MACROD2: variants seen among roughly 807,000 people sequenced by gnomAD.
MACROD2 encodes mono-ADP ribosylhydrolase 2.
A neutral mutation model predicts 70.4 loss-of-function variants in MACROD2; 36 were observed. The ratio of observed to expected loss-of-function variants is 0.51; its 90% CI spans 0.39 to 0.68. The LOEUF is 0.68. Among genes scored for constraint, MACROD2 ranks in the 30% least tolerant of loss-of-function variants. MACROD2 has a pLI of 0.00. For missense variants in MACROD2, 496 were observed against 538.4 expected, an observed-to-expected ratio of 0.92 and a Z score of 0.78; for synonymous variants, 172 against 178.8, an observed-to-expected ratio of 0.96 and a Z score of 0.30.
chr20:14,307,518 A>G (rs2082531054), intron 3 of MACROD2, among the ~76,000 whole-genome samples: 1 of 152,152 alleles, frequency 6.6e-6, no homozygotes, highest in African/African-American at 2.4e-5. Flanking sequence ...AAAGTCTAAA[A>G]TAACAATTGT....
intron 8 of MACROD2, among the ~76,000 whole-genome samples, chr20:15,793,685 T>C (rs1025992107): frequency 2.3e-4 from 35 of 151,324 alleles, no homozygotes; most frequent in Non-Finnish European, 4.4e-4. Context: ...TTTTCTTATA[T>C]GTATTCCTCC....
chr20:14,658,807 T>C (rs1251302212), intron 4 of MACROD2, among the ~76,000 whole-genome samples: 1 of 152,168 alleles, frequency 6.6e-6, no homozygotes, highest in Non-Finnish European at 1.5e-5. Context: ...AGAGATGGTC[T>C]TTCACCGTGT....
At chr20:16,037,018 C>T (rs2067245428) in intron 15 of MACROD2, among the ~76,000 whole-genome samples, 1 of 151,960 alleles carries the variant, frequency 6.6e-6, no homozygotes, top group Admixed American at 6.6e-5. Flanking sequence ...GTATACAGAG[C>T]TACAACTTTG....
intron 5 of MACROD2, among the ~76,000 whole-genome samples, chr20:15,047,177 TC>T (rs1194547422): frequency 1.3e-5 from 2 of 152,214 alleles, no homozygotes; most frequent in African/African-American, 4.8e-5. Context: ...TGAATTGACA[TC>T]TGATTGAGGA....
At chr20:15,880,433 G>C (rs1438214476) in intron 9 of MACROD2, among the ~76,000 whole-genome samples, 1 of 151,808 alleles carries the variant, frequency 6.6e-6, no homozygotes, top group African/African-American at 2.4e-5. Context: ...TGAAGTAGAA[G>C]TATGTTGGGG....
chr20:15,193,125 T>C (rs545751808), intron 5 of MACROD2, among the ~76,000 whole-genome samples: 10 of 152,336 alleles, frequency 6.6e-5, no homozygotes, highest in African/African-American at 2.4e-4. Context: ...TGTAGTTACC[T>C]CCCATCTTCT....
chr20:15,622,450 G>A (rs1357035306), intron 8 of MACROD2, among the ~76,000 whole-genome samples: 4 of 152,044 alleles, frequency 2.6e-5, no homozygotes, highest in Admixed American at 1.3e-4. Context: ...GGTAAAATAC[G>A]GGTGACTTGA....
rs2071323108 is a variant in MACROD2 at position 14,710,331 on chromosome 20, G to A, written c.418+25372G>A. ...CCATTTATTTGCTCAGTCTTGGCCT[G>A]GTGACAGGCAACAAATATTGAATAA... On this transcript the variant is annotated intron_variant, in intron 5 of 17. Transcript: ENST00000684519. 2.6e-5 allele frequency among the ~76,000 whole-genome samples: 4 copies of A among 152,122 alleles called. No homozygotes were observed. The South Asian group carries it at 8.3e-4, about 31-fold the overall frequency.
rs577621839 is a variant in MACROD2, at chr20:14,599,023, G to T, written c.302-85820G>T. 3.3e-5 allele frequency among the ~76,000 whole-genome samples: 5 copies of T among 152,212 alleles called. No individual in the cohort carries two copies. The South Asian group carries it at 6.2e-4, about 19-fold the overall frequency. ...ATTGATTTATACATTTTGGTGAGAAGAATATGTATTTCTGTTAAAGTTACC... is the reference window on the plus strand; with the variant it reads ...ATTGATTTATACATTTTGGTGAGAATAATATGTATTTCTGTTAAAGTTACC... On this transcript the variant is annotated intron_variant, in intron 4 of 17. Transcript: ENST00000684519.
intron 5 of MACROD2, among the ~76,000 whole-genome samples, chr20:14,878,293 G>A (rs1386085831): frequency 6.6e-6 from 1 of 152,112 alleles, no homozygotes; most frequent in Non-Finnish European, 1.5e-5. Flanking sequence ...TATGGCATTT[G>A]TACGCAAAGG....
chr20:15,983,029 T>G (rs2066424473), intron 13 of MACROD2, among the ~76,000 whole-genome samples: 1 of 152,200 alleles, frequency 6.6e-6, no homozygotes, highest in Non-Finnish European at 1.5e-5. Flanking sequence ...TGTAAAGAGT[T>G]TTGTCAGGTC....
At chr20:14,604,877 A>G (rs1464752815) in intron 4 of MACROD2, among the ~76,000 whole-genome samples, 1 of 152,192 alleles carries the variant, frequency 6.6e-6, no homozygotes, top group Non-Finnish European at 1.5e-5. Flanking sequence ...GATACCTTCA[A>G]GGGGCCAGGA....
chr20:15,829,340 A>G (rs1421661801), intron 8 of MACROD2, among the ~76,000 whole-genome samples: 2 of 152,206 alleles, frequency 1.3e-5, no homozygotes, highest in Admixed American at 1.3e-4. Context: ...TCAGTAGAAC[A>G]CATCGTATTC....
intron 5 of MACROD2, among the ~76,000 whole-genome samples, chr20:14,899,945 C>T (rs939042687): frequency 2.0e-5 from 3 of 152,108 alleles, no homozygotes; most frequent in Non-Finnish European, 4.4e-5. Flanking sequence ...TAAGGAATTA[C>T]TAAATAACTT....
chr20:14,327,677 T>C, intron 3 of MACROD2: 3 of 750,636 alleles, frequency 4.0e-6, no homozygotes, highest in Non-Finnish European at 6.1e-6. Context: ...TTTCATTTGT[T>C]TTGGGAGGGG....
chr20:15,302,898 G>A (rs2077660765), intron 6 of MACROD2, among the ~76,000 whole-genome samples: 1 of 152,124 alleles, frequency 6.6e-6, no homozygotes, highest in Non-Finnish European at 1.5e-5. Context: ...TGGATGTTGT[G>A]TTCTGTGAAC....
intron 3 of MACROD2, among the ~76,000 whole-genome samples, chr20:14,182,864 C>A (rs2081315655): frequency 6.6e-6 from 1 of 151,700 alleles, no homozygotes; most frequent in Non-Finnish European, 1.5e-5. Context: ...GCTTGACTGG[C>A]TCCTTCTCAT....
At chr20:14,999,375 T>C (rs764049821) in intron 5 of MACROD2, among the ~76,000 whole-genome samples, 2 of 152,184 alleles carry the variant, frequency 1.3e-5, no homozygotes, top group Non-Finnish European at 2.9e-5. Flanking sequence ...TGTGAACATA[T>C]AGGCCAGGTG....
chr20:14,510,658 A>T (rs1254379537), intron 4 of MACROD2, among the ~76,000 whole-genome samples: 1 of 152,120 alleles, frequency 6.6e-6, no homozygotes, highest in Non-Finnish European at 1.5e-5. Context: ...GAAGAGACCC[A>T]AAAATGGAAT....
Sources: allele counts gnomAD v4.1 joint callset (sites outside exome capture counted in the v4.1 genomes callset), GRCh38; gene constraint gnomAD v4.1.1; transcripts MANE v1.5; gene names NCBI Gene and HGNC (gene_info 2026-07-23, HGNC 2026-07-21).